Variants in PLCG2 observed in about 807,000 individuals in gnomAD.
The protein encoded by PLCG2 is 1-phosphatidylinositol 4,5-bisphosphate phosphodiesterase gamma-2.
Under a neutral mutation model 175.6 loss-of-function variants are expected in PLCG2, and 69 were observed. The ratio of observed to expected loss-of-function variants is 0.39; its 90% confidence interval spans 0.32 to 0.48. The LOEUF (loss-of-function observed/expected upper bound fraction) is 0.48, where lower values mean the gene tolerates loss of function less well. Ranked by LOEUF, PLCG2 falls within the 20% of genes least tolerant of loss-of-function variation. The probability of loss-of-function intolerance (pLI) is 0.91; values close to 1 mark genes in which losing one functional copy is unlikely to be tolerated. For synonymous variants in PLCG2, 827 were observed against 624.0 expected, an observed-to-expected ratio of 1.33 and a Z score of -4.85; for missense variants, 1,798 against 1,650.9, an observed-to-expected ratio of 1.09 and a Z score of -1.54.
intron 2 of PLCG2, among the ~76,000 whole-genome samples, chr16:81,836,129 G>C (rs915411516): frequency 1.3e-5 from 2 of 152,174 alleles, no homozygotes; most frequent in Non-Finnish European, 2.9e-5. Flanking sequence ...CAAGACCAGA[G>C]TCATTTTCAT....
intron 2 of PLCG2, among the ~76,000 whole-genome samples, chr16:81,790,462 C>T (rs1260455204): frequency 3.3e-5 from 5 of 152,164 alleles, no homozygotes; most frequent in Non-Finnish European, 7.3e-5. Flanking sequence ...GGCCTTCAGG[C>T]CCTGGGTGGG....
chr16:81,865,871 C>T (rs1400809794), intron 5 of PLCG2, among the ~76,000 whole-genome samples: 6 of 136,820 alleles, frequency 4.4e-5, no homozygotes, highest in Non-Finnish European at 4.7e-5. Flanking sequence ...GGGGCACCAG[C>T]ATGAGAGGAC....
At chr16:81,944,422 A>G (rs1181782272) in intron 30 of PLCG2, among the ~76,000 whole-genome samples, 1 of 152,190 alleles carries the variant, frequency 6.6e-6, no homozygotes, top group Non-Finnish European at 1.5e-5. Flanking sequence ...AATTTAAAGG[A>G]TATGGGAGGA....
chr16:81,836,490 C>T (rs753104884), intron 2 of PLCG2, among the ~76,000 whole-genome samples: 5 of 152,148 alleles, frequency 3.3e-5, no homozygotes, highest in African/African-American at 1.2e-4. Flanking sequence ...CCTGTAATTC[C>T]AGCACTTTGG....
In PLCG2 at chr16:81,900,711, G is replaced by C; in HGVS notation, c.1293G>C (p.Thr431=). 6.2e-7 allele frequency: 1 copy of C among 1,613,428 alleles called. No individual in the cohort carries two copies. Among genetic ancestry groups the C allele is most frequent in the Non-Finnish European group, 8.5e-7 (1 of 1,179,396 alleles). ...AAGTATTTGGCGACCTGCTGTTGAC[G>C]AAGCCCACGGAGGCCAGTGCTGACC... ...FKEVFGDLLL[T]KPTEASADQL... Residue 431 remains threonine, a synonymous_variant, in exon 14 of 33, where the codon ACG becomes ACC. Transcript: ENST00000564138.
chr16:81,868,185 A>C (rs865883951), intron 5 of PLCG2, among the ~76,000 whole-genome samples: 4 of 152,190 alleles, frequency 2.6e-5, no homozygotes, highest in Non-Finnish European at 4.4e-5. Flanking sequence ...CTGGGGGTCA[A>C]CCATGTGTAC....
intron 19 of PLCG2, among the ~76,000 whole-genome samples, chr16:81,915,512 C>T (rs1044002229): frequency 2.0e-5 from 3 of 152,238 alleles, no homozygotes; most frequent in African/African-American, 7.2e-5. Flanking sequence ...CAGACCTGTT[C>T]CCATCTCCCC....
At chr16:81,837,371 G>A (rs1041396536) in intron 2 of PLCG2, among the ~76,000 whole-genome samples, 2 of 152,194 alleles carry the variant, frequency 1.3e-5, no homozygotes, top group Non-Finnish European at 2.9e-5. Flanking sequence ...AAACGAGTGG[G>A]CACCCTGCAG....
At chr16:81,854,330 G>A in intron 2 of PLCG2, 114 bp from the exon 3 acceptor site, 2 of 912,616 alleles carry the variant, frequency 2.2e-6, no homozygotes, top group Admixed American at 1.9e-5. Flanking sequence ...TAGCTTTGCG[G>A]GATCCTGTTG....
chr16:81,754,634 T>C (rs1180994214), intron 1 of PLCG2, among the ~76,000 whole-genome samples: 2 of 150,954 alleles, frequency 1.3e-5, no homozygotes, highest in African/African-American at 2.4e-5. Flanking sequence ...ATACTTGCTT[T>C]AGTGAATGAA....
At chr16:81,849,498 C>T (rs1209644609) in intron 2 of PLCG2, among the ~76,000 whole-genome samples, 2 of 152,132 alleles carry the variant, frequency 1.3e-5, no homozygotes, top group Admixed American at 6.5e-5. Flanking sequence ...GTAGCTTATG[C>T]GTGTAATCTC....
At chr16:81,950,071 A>G (rs138887931) in intron 31 of PLCG2, among the ~76,000 whole-genome samples, 1 of 152,340 alleles carries the variant, frequency 6.6e-6, no homozygotes, top group East Asian at 1.9e-4. Context: ...GAGTAAAAAT[A>G]ATGTAAAGAA....
intron 2 of PLCG2, among the ~76,000 whole-genome samples, chr16:81,835,668 G>C (rs903210883): frequency 5.3e-5 from 8 of 152,104 alleles, no homozygotes; most frequent in Non-Finnish European, 2.9e-5. Flanking sequence ...GTGTCCTGTG[G>C]TTGCCATAAC....
chr16:81,815,872 C>T (rs1904521266), intron 2 of PLCG2, among the ~76,000 whole-genome samples: 3 of 151,768 alleles, frequency 2.0e-5, no homozygotes, highest in African/African-American at 7.3e-5. Flanking sequence ...ACCAGCCCGG[C>T]CAACATTGTG....
At chr16:81,904,795 A>G (rs1420022969) in intron 14 of PLCG2, among the ~76,000 whole-genome samples, 1 of 152,222 alleles carries the variant, frequency 6.6e-6, no homozygotes, top group East Asian at 1.9e-4. Flanking sequence ...GAAGACAAAC[A>G]CATGGTGTGT....
intron 2 of PLCG2, among the ~76,000 whole-genome samples, chr16:81,823,405 C>T (rs1186666092): frequency 2.6e-5 from 4 of 152,204 alleles, no homozygotes; most frequent in Admixed American, 1.3e-4. Context: ...CCCCACCCCT[C>T]GCCCCATGAG....
Position 81,859,854 on chromosome 16 carries a change from C to T in PLCG2, c.479+691C>T, listed in dbSNP as rs2143494114. On this transcript the variant is annotated intron_variant, in intron 5 of 32. Coordinates refer to ENST00000564138, the MANE Select transcript of PLCG2 (RefSeq NM_002661.5). Reference sequence around the variant, plus strand: ...CCCGGCCACCAGGTGGTTCTAAGGGCTGGTAGAGATGTGTTGGGTGATGTG... The same window carrying T: ...CCCGGCCACCAGGTGGTTCTAAGGGTTGGTAGAGATGTGTTGGGTGATGTG... 1.3e-5 allele frequency among the ~76,000 whole-genome samples: 2 copies of T among 152,236 alleles called. 1 individual carries two copies. Among genetic ancestry groups the T allele is most frequent in the Middle Eastern group, 6.8e-3 (2 of 294 alleles).
intron 23 of PLCG2, 99 bp downstream of exon 23, chr16:81,927,277 C>T: frequency 2.5e-6 from 2 of 791,300 alleles, no homozygotes; most frequent in East Asian, 2.5e-5. Flanking sequence ...TTTCCATGTG[C>T]TGCTTGTGGT....
rs921332428 is a variant in PLCG2, at chr16:81,908,383, C to T, written c.1558-33C>T. On this transcript the variant is annotated intron_variant, in intron 16 of 32. Transcript: ENST00000564138. ...AGTGATGCTGGGGTTTGGTCCAAGG[C>T]TTTCAGAAACCCCTCCTCTCTTTGC... 6.3e-6 allele frequency: 10 copies of T among 1,596,882 alleles called. No homozygotes were observed. The Admixed American group carries it at 1.2e-4, about 19-fold the overall frequency.
Sources: gnomAD v4.1 joint callset for allele counts (sites outside exome capture counted in the v4.1 genomes callset) on GRCh38, gnomAD v4.1.1 for gene constraint, MANE v1.5 for transcripts, NCBI Gene and HGNC (gene_info 2026-07-23, HGNC 2026-07-21) for gene names.